The following DGAT2L6 variants were observed in gnomAD, a reference collection of about 807,000 sequenced individuals.
DGAT2L6 encodes diacylglycerol O-acyltransferase 2 like 6, also known as diacylglycerol O-acyltransferase 2-like protein 6.
In DGAT2L6, 22 loss-of-function variants were observed where a neutral mutation model predicts 25.5. The ratio of observed to expected loss-of-function variants is 0.86; its 90% CI spans 0.62 to 1.23. The LOEUF is 1.23. Among genes scored for constraint, DGAT2L6 ranks in the 50% most tolerant of loss-of-function variants. The probability of loss-of-function intolerance (pLI) is 0.00; values close to 1 mark genes in which losing one functional copy is unlikely to be tolerated. For synonymous variants in DGAT2L6, 100 were observed against 94.7 expected (o/e 1.06, Z -0.32); for missense variants, 287 against 253.2 (o/e 1.13, Z -0.91).
At chrX:70,204,927 G>A (rs189206160) in intron 6 of DGAT2L6, 25 bp from the exon 7 acceptor site, 3 of 1,157,730 alleles carry the variant, frequency 2.6e-6, no homozygotes, top group Admixed American at 5.3e-5. Flanking sequence ...GAACTCTGAT[G>A]TTTGTCTCTT....
chrX:70,202,370 G>A (rs1026211117), intron 5 of DGAT2L6, among the ~76,000 whole-genome samples: 1 of 111,972 alleles, frequency 8.9e-6, no homozygotes, highest in African/African-American at 3.3e-5. Context: ...TGTTAACTGA[G>A]AGGCCCTAAG....
At chrX:70,189,055 A>C in intron 1 of DGAT2L6, among the ~76,000 whole-genome samples, 1 of 110,889 alleles carries the variant, frequency 9.0e-6, no homozygotes, top group South Asian at 3.8e-4. Flanking sequence ...CTAAGATTAG[A>C]AACAAAGCAA....
intron 1 of DGAT2L6, among the ~76,000 whole-genome samples, chrX:70,195,261 T>C (rs753178643): frequency 1.8e-5 from 2 of 111,702 alleles, no homozygotes; most frequent in Admixed American, 9.5e-5. Context: ...AGGATATAGA[T>C]AAAAGGGAAT....
intron 1 of DGAT2L6, among the ~76,000 whole-genome samples, chrX:70,197,878 C>G (rs912770812): frequency 3.6e-5 from 4 of 112,101 alleles, no homozygotes; most frequent in African/African-American, 1.3e-4. Context: ...AAAACTCCTC[C>G]CACCACGCTT....
rs2085411894 is a variant in DGAT2L6 at position 70,201,917 on chromosome X, T to C, written c.500T>C (p.Leu167Ser). 1.7e-6 allele frequency: 2 copies of C among 1,199,208 alleles called. No homozygotes were observed. Among genetic ancestry groups the C allele is most frequent in the Non-Finnish European group, 2.2e-6 (2 of 890,826 alleles). ...MGVCPVSSSA[L>S]KYLLTQKGSG... ...GTGTGCCCTGTGAGTAGCTCAGCCT[T>C]GAAGTACTTGCTGACCCAGAAAGGC... The change falls in exon 5 of 7, where the codon TTG (leucine) becomes TCG (serine). Residue 167 changes from leucine (L) to serine (S), a missense_variant. Leu to Ser is a moderately radical substitution (Grantham distance 145). Transcript: ENST00000333026.
rs190394594 is a variant in DGAT2L6 at position 70,189,541 on chromosome X, A to G, written c.86-9730A>G. Among the ~76,000 whole-genome samples the G allele has an allele frequency of 7.1e-5, 8 of 112,035 alleles. No individual in the cohort carries two copies. The East Asian group carries it at 2.2e-3, about 31-fold the overall frequency. On this transcript the variant is annotated intron_variant, in intron 1 of 6. Coordinates refer to ENST00000333026, the MANE Select transcript of DGAT2L6 (RefSeq NM_198512.3). ...AAGATTCAACACAGTAAAGATGCCA[A>G]TTCTCCCCAGATTGATCTATAAGTA...
At chrX:70,196,940 A>G (rs917064579) in intron 1 of DGAT2L6, among the ~76,000 whole-genome samples, 4 of 112,413 alleles carry the variant, frequency 3.6e-5, no homozygotes, top group Non-Finnish European at 7.5e-5. Flanking sequence ...AGTTAAAATT[A>G]TGATGAGCTA....
At chrX:70,178,133 C>T in intron 1 of DGAT2L6, among the ~76,000 whole-genome samples, 1 of 103,372 alleles carries the variant, frequency 9.7e-6, no homozygotes, top group Admixed American at 1.0e-4. Flanking sequence ...AAGACTCCGT[C>T]TCAAGATGAA....
chrX:70,182,712 G>A (rs2085347284), intron 1 of DGAT2L6, among the ~76,000 whole-genome samples: 1 of 110,437 alleles, frequency 9.1e-6, no homozygotes, highest in Non-Finnish European at 1.9e-5. Flanking sequence ...GGAGTGCAGT[G>A]GCGCGATCTC....
At chrX:70,203,419 C>T (rs1196065773) in intron 5 of DGAT2L6, among the ~76,000 whole-genome samples, 2 of 111,860 alleles carry the variant, frequency 1.8e-5, no homozygotes, top group African/African-American at 6.5e-5. Flanking sequence ...AAGATCTTGA[C>T]CCAGAATAGA....
intron 4 of DGAT2L6, among the ~76,000 whole-genome samples, chrX:70,201,019 C>A (rs1018906691): frequency 8.9e-6 from 1 of 112,391 alleles, no homozygotes; most frequent in East Asian, 2.8e-4. Context: ...GTATCCAGAA[C>A]AACTTCCCCA....
chrX:70,188,832 T>C (rs965009219), intron 1 of DGAT2L6, among the ~76,000 whole-genome samples: 11 of 110,358 alleles, frequency 1.0e-4, no homozygotes, highest in African/African-American at 3.6e-4. Flanking sequence ...AATAAATCAA[T>C]GTAAACTACC....
At chrX:70,199,758 G>A in intron 2 of DGAT2L6, 54 bp from the exon 3 acceptor site, 15 of 1,135,550 alleles carry the variant, frequency 1.3e-5, no homozygotes, top group Non-Finnish European at 1.8e-5. Flanking sequence ...CTCTGGGAGA[G>A]GTAGAGGGAC....
intron 1 of DGAT2L6, among the ~76,000 whole-genome samples, chrX:70,184,134 A>G (rs1271701225): frequency 8.9e-6 from 1 of 111,865 alleles, no homozygotes; most frequent in Non-Finnish European, 1.9e-5. Context: ...GTTATTTTCT[A>G]TGTGACCTTG....
At chrX:70,179,264 C>T (rs1265353552) in intron 1 of DGAT2L6, among the ~76,000 whole-genome samples, 2 of 111,853 alleles carry the variant, frequency 1.8e-5, no homozygotes, top group East Asian at 2.8e-4. Context: ...TGTTAGTAAA[C>T]TTAGTTGTTT....
At chrX:70,188,998 C>T (rs2085367928) in intron 1 of DGAT2L6, among the ~76,000 whole-genome samples, 1 of 105,406 alleles carries the variant, frequency 9.5e-6, no homozygotes, top group African/African-American at 3.5e-5. Context: ...AAAAAAAACC[C>T]TACAGTTAAC....
chrX:70,193,342 C>T (rs2085381118), intron 1 of DGAT2L6, among the ~76,000 whole-genome samples: 1 of 110,220 alleles, frequency 9.1e-6, no homozygotes, highest in South Asian at 3.9e-4. Flanking sequence ...AATGTCAATC[C>T]TTCTCCAACT....
chrX:70,196,444 G>A (rs1418487555), intron 1 of DGAT2L6, among the ~76,000 whole-genome samples: 3 of 93,677 alleles, frequency 3.2e-5, no homozygotes, highest in Non-Finnish European at 6.2e-5. Context: ...CCGAGATCAC[G>A]CCATGGAACG....
chrX:70,192,205 G>A (rs1195526400), intron 1 of DGAT2L6, among the ~76,000 whole-genome samples: 1 of 112,066 alleles, frequency 8.9e-6, no homozygotes, highest in Admixed American at 9.4e-5. Context: ...TGAGCTATGA[G>A]CATGCCACTG....
Sources: gnomAD v4.1 joint callset for allele counts (sites outside exome capture counted in the v4.1 genomes callset) on GRCh38, gnomAD v4.1.1 for gene constraint, MANE v1.5 for transcripts, NCBI Gene and HGNC (gene_info 2026-07-23, HGNC 2026-07-21) for gene names.